AGMO: variants seen among roughly 807,000 people sequenced by gnomAD.
AGMO encodes the protein alkylglycerol monooxygenase.
In AGMO, 75 loss-of-function variants were observed where a neutral mutation model predicts 60.2. The observed-to-expected ratio is 1.25, with a 90% CI of 1.03 to 1.51. The LOEUF is 1.51. Ranked by LOEUF, AGMO falls within the 40% of genes most tolerant of loss-of-function variation. The probability of loss-of-function intolerance (pLI) is 0.00; values close to 1 mark genes in which losing one functional copy is unlikely to be tolerated. For synonymous variants in AGMO, 261 were observed against 177.1 expected, an observed-to-expected ratio of 1.47 and a Z score of -3.76; for missense variants, 763 against 525.5, an observed-to-expected ratio of 1.45 and a Z score of -4.42.
At chr7:15,376,817 C>G (rs2128569189) in intron 10 of AGMO, among the ~76,000 whole-genome samples, 1 of 152,086 alleles carries the variant, frequency 6.6e-6, no homozygotes, top group African/African-American at 2.4e-5. Context: ...AAACCAAAAT[C>G]AACATAAAAG....
rs1298651599 is a variant in AGMO at position 15,385,544 on chromosome 7, G to C, written c.976C>G (p.Pro326Ala). ...EIPEVTGKEV[P>A]FSSSSSQLLK... ...AGCTGAGATGAAGATGATGAGAAGG[G>C]AACTTCTTTGCCGGTGACCTAGGGA... The change falls in exon 10 of 13, where the codon CCC (proline) becomes GCC (alanine). Residue 326 changes from proline (P) to alanine (A), a missense_variant. Pro to Ala is a conservative substitution (Grantham distance 27). Transcript: ENST00000342526. The C allele has an allele frequency of 5.6e-6, 9 of 1,609,202 alleles. No homozygotes were observed. The highest frequency in any genetic ancestry group is 1.1e-5 in the South Asian group (1 of 90,860).
chr7:15,136,903 C>T, the AGMO span, among the ~76,000 whole-genome samples: 1 of 152,124 alleles, frequency 6.6e-6, no homozygotes, highest in Non-Finnish European at 1.5e-5. Flanking sequence ...CAGAGGTTTC[C>T]CTACACTGAA....
intron 3 of AGMO, among the ~76,000 whole-genome samples, chr7:15,467,743 A>T (rs1782332589): frequency 6.6e-6 from 1 of 152,148 alleles, no homozygotes; most frequent in African/African-American, 2.4e-5. Context: ...GGGATTTGTT[A>T]AATAAATCTA....
At chr7:15,400,505 C>G (rs1784524400) in intron 5 of AGMO, among the ~76,000 whole-genome samples, 1 of 152,086 alleles carries the variant, frequency 6.6e-6, no homozygotes, top group Non-Finnish European at 1.5e-5. Flanking sequence ...CTTTACTGTT[C>G]AGGAGGAAAA....
chr7:15,346,996 G>GA, intron 12 of AGMO, among the ~76,000 whole-genome samples: 1 of 151,838 alleles, frequency 6.6e-6, no homozygotes, highest in South Asian at 2.1e-4. Flanking sequence ...AACTTTAAAT[G>GA]ATTCTGTGAA....
At chr7:15,296,642 A>G (rs1395571612) in intron 12 of AGMO, among the ~76,000 whole-genome samples, 1 of 152,206 alleles carries the variant, frequency 6.6e-6, no homozygotes, top group East Asian at 1.9e-4. Context: ...TAATAACAGC[A>G]ATACAAACAC....
intron 12 of AGMO, among the ~76,000 whole-genome samples, chr7:15,225,352 T>A (rs1402375350): frequency 9.2e-5 from 14 of 152,112 alleles, no homozygotes; most frequent in Non-Finnish European, 7.4e-5. Context: ...AATCTTTGTA[T>A]TTTCTTATGA....
intron 4 of AGMO, among the ~76,000 whole-genome samples, chr7:15,428,152 T>G (rs1781123423): frequency 6.6e-6 from 1 of 152,086 alleles, no homozygotes; most frequent in Non-Finnish European, 1.5e-5. Flanking sequence ...AGAAAAATCT[T>G]GACAAATGAC....
At chr7:15,190,006 A>G in the AGMO span, among the ~76,000 whole-genome samples, 1 of 149,862 alleles carries the variant, frequency 6.7e-6, no homozygotes, top group African/African-American at 2.4e-5. Flanking sequence ...ACCCATATCC[A>G]TATGTACCAA....
chr7:15,273,938 T>C (rs1248307310), intron 12 of AGMO, among the ~76,000 whole-genome samples: 1 of 152,204 alleles, frequency 6.6e-6, no homozygotes, highest in African/African-American at 2.4e-5. Context: ...GTTATTTGTG[T>C]ATAAGAATGC....
At chr7:15,159,310 A>G in the AGMO span, among the ~76,000 whole-genome samples, 7 of 152,186 alleles carry the variant, frequency 4.6e-5, no homozygotes, top group African/African-American at 4.8e-5. Context: ...AACTTTTCAA[A>G]TATCTCAAAG....
At chr7:15,208,851 G>T (rs1169867643) in intron 12 of AGMO, among the ~76,000 whole-genome samples, 1 of 152,122 alleles carries the variant, frequency 6.6e-6, no homozygotes, top group African/African-American at 2.4e-5. Flanking sequence ...GAAGATTTTT[G>T]AATAAGATGT....
chr7:15,247,451 C>A (rs183570052), intron 12 of AGMO, among the ~76,000 whole-genome samples: 1 of 119,620 alleles, frequency 8.4e-6, no homozygotes, highest in Non-Finnish European at 1.7e-5. Context: ...CACACACACA[C>A]ACACACACAG....
intron 3 of AGMO, among the ~76,000 whole-genome samples, chr7:15,521,106 C>G (rs943743846): frequency 6.6e-6 from 1 of 151,958 alleles, no homozygotes; most frequent in African/African-American, 2.4e-5. Context: ...AAGAAATGGA[C>G]AAATTCCTGG....
chr7:15,367,149 T>C (rs904034553), intron 10 of AGMO, among the ~76,000 whole-genome samples: 5 of 152,020 alleles, frequency 3.3e-5, no homozygotes, highest in African/African-American at 7.2e-5. Context: ...TTTGTCTCAA[T>C]TTTAGTCTGG....
intron 3 of AGMO, among the ~76,000 whole-genome samples, chr7:15,523,841 A>C (rs1784060175): frequency 6.6e-6 from 1 of 152,152 alleles, no homozygotes; most frequent in African/African-American, 2.4e-5. Context: ...AATAATAATA[A>C]AAAAGACACC....
the AGMO span, among the ~76,000 whole-genome samples, chr7:15,181,725 T>C: frequency 2.0e-5 from 3 of 152,120 alleles, no homozygotes; most frequent in East Asian, 3.9e-4. Context: ...TTTTTGATGG[T>C]AGTGTTTTGT....
the AGMO span, among the ~76,000 whole-genome samples, chr7:15,140,441 A>G: frequency 2.0e-5 from 3 of 152,172 alleles, no homozygotes; most frequent in Non-Finnish European, 4.4e-5. Flanking sequence ...ATGGTAATAG[A>G]AAATATAGTG....
At chr7:15,510,478 C>T (rs558711924) in intron 3 of AGMO, among the ~76,000 whole-genome samples, 1 of 151,710 alleles carries the variant, frequency 6.6e-6, no homozygotes, top group East Asian at 1.9e-4. Flanking sequence ...GCACCTGGCC[C>T]TAAGCATCTG....
Sources: allele counts gnomAD v4.1 joint callset (sites outside exome capture counted in the v4.1 genomes callset), GRCh38; gene constraint gnomAD v4.1.1; transcripts MANE v1.5; gene names NCBI Gene and HGNC (gene_info 2026-07-23, HGNC 2026-07-21).